SPINK9: variants seen among roughly 807,000 people sequenced by gnomAD.
SPINK9 encodes the protein serine peptidase inhibitor Kazal type 9, also known as serine protease inhibitor Kazal-type 9.
In SPINK9, 3 loss-of-function variants were observed where a neutral mutation model predicts 10.8. That is an observed-to-expected ratio of 0.28 (90% confidence interval 0.13 to 0.72). SPINK9 has a LOEUF of 0.72. Ranked by LOEUF, SPINK9 falls within the 30% of genes least tolerant of loss-of-function variation. The pLI, the probability that SPINK9 is intolerant of heterozygous loss-of-function variation, is 0.74. For synonymous variants in SPINK9, 30 were observed against 31.2 expected (o/e 0.96, Z 0.12); for missense variants, 101 against 103.2 (o/e 0.98, Z 0.09).
intron 1 of SPINK9, 110 bp from the exon 2 acceptor site, chr5:148,336,312 T>G: frequency 8.7e-7 from 1 of 1,148,420 alleles, no homozygotes; most frequent in Non-Finnish European, 1.3e-6. Flanking sequence ...GAAGAGAGAC[T>G]TACATTTTTA....
At chr5:148,332,095 T>A (rs1270065074), upstream of SPINK9, among the ~76,000 whole-genome samples, 1 of 152,216 alleles carries the variant, frequency 6.6e-6, no homozygotes, top group African/African-American at 2.4e-5. Context: ...AGTTCTTTGG[T>A]CTATTCTTGC....
chr5:148,327,964 G>A (rs1295742131), intron 2 of SPINK9, among the ~76,000 whole-genome samples: 9 of 150,734 alleles, frequency 6.0e-5, no homozygotes, highest in Non-Finnish European at 1.0e-4. Flanking sequence ...TGTTCTTTTG[G>A]CTTAGGATTG....
chr5:148,323,189 G>A (rs931827962), intron 1 of SPINK9, among the ~76,000 whole-genome samples: 1 of 152,008 alleles, frequency 6.6e-6, no homozygotes, highest in African/African-American at 2.4e-5. Flanking sequence ...CTACTTATTG[G>A]GTTATGAGAT....
At chr5:148,330,080 G>A (rs1053800126) in intron 2 of SPINK9, among the ~76,000 whole-genome samples, 20 of 152,146 alleles carry the variant, frequency 1.3e-4, no homozygotes, top group Non-Finnish European at 5.9e-5. Flanking sequence ...CTGTCTCGTT[G>A]ATCTGTCTAA....
chr5:148,327,052 T>C (rs1404617790), intron 2 of SPINK9, among the ~76,000 whole-genome samples: 1 of 152,156 alleles, frequency 6.6e-6, no homozygotes. Context: ...CTGGGTCAAA[T>C]GGTATTTCTA....
rs751031983 is a variant in SPINK9, at chr5:148,335,600, G to A, written c.-14G>A. 3.7e-6 allele frequency: 6 copies of A among 1,613,054 alleles called. No individual in the cohort carries two copies. The Admixed American group carries it at 1.0e-4, about 27-fold the overall frequency. ...CTTTTCCCTACATCTGACTGCCTTG[G>A]CCACTTCAGTACTATGAGAGCAACA... On this transcript the variant is annotated 5_prime_UTR_variant, in exon 1 of 4. Coordinates refer to ENST00000377906, the MANE Select transcript of SPINK9 (RefSeq NM_001040433.2).
At chr5:148,323,353 G>A (rs1002478470) in intron 1 of SPINK9, among the ~76,000 whole-genome samples, 2 of 152,082 alleles carry the variant, frequency 1.3e-5, no homozygotes, top group Admixed American at 6.6e-5. Context: ...TCCTCCATAG[G>A]TGGGAGTCAA....
intron 2 of SPINK9, 66 bp downstream of exon 2, chr5:148,336,519 T>G (rs573446733): frequency 3.5e-6 from 5 of 1,430,656 alleles, no homozygotes; most frequent in Admixed American, 3.6e-5. Flanking sequence ...TATTTGATAC[T>G]ACACAGTAAT....
chr5:148,339,807 C>A lies in SPINK9; in HGVS notation c.*95C>A. The A allele has an allele frequency of 1.0e-6, 1 of 986,624 alleles. No individual in the cohort carries two copies. The highest frequency in any genetic ancestry group is 1.6e-6 in the Non-Finnish European group (1 of 633,782). The allele number at this position is 986,624 out of a possible 1,614,324, so 61.1% of individuals were successfully genotyped here. A position where few individuals can be genotyped will look rare whatever the true frequency, so the allele number is the denominator to read the frequency against. On this transcript the variant is annotated 3_prime_UTR_variant, in exon 4 of 4. Transcript: ENST00000377906. ...TATCTATGCCACATTGCCTACTCAT[C>A]ACCATATGTAGATTTCTTTGTAGAA...
Position 148,335,681 on chromosome 5 carries a change from G to C in SPINK9, c.55+13G>C. Reference sequence around the variant, plus strand: ...GCAACCATGTTCAGTGAGTATCTCTGATAATACTGCCCCTGCCCTTGTACT... The same window carrying C: ...GCAACCATGTTCAGTGAGTATCTCTCATAATACTGCCCCTGCCCTTGTACT... On this transcript the variant is annotated intron_variant, in intron 1 of 3. Transcript: ENST00000377906. 1 of 1,613,040 alleles carries C rather than the reference G, an allele frequency of 6.2e-7. No homozygotes were observed. The highest frequency in any genetic ancestry group is 1.7e-5 in the Admixed American group (1 of 60,004).
intron 1 of SPINK9, among the ~76,000 whole-genome samples, chr5:148,322,238 C>T (rs1757007625): frequency 6.6e-6 from 1 of 152,154 alleles, no homozygotes; most frequent in African/African-American, 2.4e-5. Flanking sequence ...GTAATAGATA[C>T]ATTGATCATA....
At chr5:148,332,132 T>C (rs140212513), upstream of SPINK9, among the ~76,000 whole-genome samples, 1 of 152,308 alleles carries the variant, frequency 6.6e-6, no homozygotes, top group East Asian at 1.9e-4. Flanking sequence ...GAAAAAGTTA[T>C]AAACTTAAAA....
chr5:148,323,088 T>C (rs939827522), intron 1 of SPINK9, among the ~76,000 whole-genome samples: 1 of 152,188 alleles, frequency 6.6e-6, no homozygotes, highest in Non-Finnish European at 1.5e-5. Flanking sequence ...AACATGCATA[T>C]TTTTAATGTA....
chr5:148,327,283 G>GT (rs970137581), intron 2 of SPINK9, among the ~76,000 whole-genome samples: 1 of 152,104 alleles, frequency 6.6e-6, no homozygotes, highest in East Asian at 1.9e-4. Context: ...TTTTTCATGT[G>GT]TTTTTTGGCC....
intron 2 of SPINK9, among the ~76,000 whole-genome samples, chr5:148,326,728 T>C (rs1473353228): frequency 4.6e-5 from 7 of 152,102 alleles, no homozygotes; most frequent in Non-Finnish European, 1.0e-4. Context: ...GTGTTCTCAT[T>C]GTTCAATTCC....
At chr5:148,339,489 A>G (rs150704892) in intron 3 of SPINK9, among the ~76,000 whole-genome samples, 178 bp from the exon 4 acceptor site, 73 of 152,266 alleles carry the variant, frequency 4.8e-4, no homozygotes, top group Admixed American at 1.4e-3. Flanking sequence ...TTTGAGCATC[A>G]TCCTTATATA....
intron 2 of SPINK9, 69 bp downstream of exon 2, chr5:148,336,522 A>G (rs1413264498): frequency 7.0e-7 from 1 of 1,427,900 alleles, no homozygotes; most frequent in Non-Finnish European, 9.8e-7. Context: ...TTGATACTAC[A>G]CAGTAATTAA....
Position 148,329,976 on chromosome 5 carries a change from A to G in SPINK9, c.118+6108A>G, listed in dbSNP as rs557580665. 1.6e-4 allele frequency among the ~76,000 whole-genome samples: 24 copies of G among 152,296 alleles called. No homozygotes were observed. In the South Asian group the frequency reaches 5.0e-3, roughly 32 times the overall value. On this transcript the variant is annotated intron_variant, in intron 2 of 4. Coordinates refer to the SPINK9 transcript ENST00000511717. Reference sequence around the variant, plus strand: ...TGGTGTGGTGCTGAGAAGAATGTATATTCTGTTGATTTCGGGTGGAGAGTT... The same window carrying G: ...TGGTGTGGTGCTGAGAAGAATGTATGTTCTGTTGATTTCGGGTGGAGAGTT...
chr5:148,328,434 C>T (rs977719487), intron 2 of SPINK9, among the ~76,000 whole-genome samples: 1 of 152,160 alleles, frequency 6.6e-6, no homozygotes, highest in African/African-American at 2.4e-5. Context: ...GATATACAAG[C>T]ATGTCATCTG....
Sources: allele counts gnomAD v4.1 joint callset (sites outside exome capture counted in the v4.1 genomes callset), GRCh38; gene constraint gnomAD v4.1.1; transcripts MANE v1.5; gene names NCBI Gene and HGNC (gene_info 2026-07-23, HGNC 2026-07-21).